MDGA2: variants seen among roughly 807,000 people sequenced by gnomAD.
MDGA2 encodes MAM domain containing glycosylphosphatidylinositol anchor 2.
MDGA2 carries 40 observed loss-of-function variants against 117.8 expected under a neutral mutation model. That is an observed-to-expected ratio of 0.34 (90% CI 0.26 to 0.44). The LOEUF is 0.44. Ranked by LOEUF, MDGA2 falls within the 20% of genes least tolerant of loss-of-function variation. MDGA2 has a pLI of 1.00. For synonymous variants in MDGA2, 452 were observed against 439.0 expected (o/e 1.03, Z -0.37); for missense variants, 1,123 against 1,250.6 (o/e 0.90, Z 1.54).
chr14:47,470,343 C>A (rs1174022459), intron 1 of MDGA2, among the ~76,000 whole-genome samples: 1 of 147,972 alleles, frequency 6.8e-6, no homozygotes, highest in African/African-American at 2.5e-5. Flanking sequence ...TCAACTCTCA[C>A]TTATAGGTGC....
At chr14:47,463,562 C>T (rs900032228) in intron 1 of MDGA2, among the ~76,000 whole-genome samples, 1 of 152,064 alleles carries the variant, frequency 6.6e-6, no homozygotes, top group African/African-American at 2.4e-5. Context: ...TAAGCTCTAC[C>T]TTCACATAGG....
At chr14:47,337,347 T>C (rs12436849) in intron 1 of MDGA2, among the ~76,000 whole-genome samples, 50,086 of 151,936 alleles carry the variant, frequency 0.33, 9,182 homozygotes, top group Admixed American at 0.52. Context: ...ATCAAAAGCC[T>C]AAGATTAAGA....
At chr14:47,033,967 A>T (rs1398639496) in intron 8 of MDGA2, among the ~76,000 whole-genome samples, 3 of 152,236 alleles carry the variant, frequency 2.0e-5, no homozygotes, top group African/African-American at 7.2e-5. Flanking sequence ...CTTGGACTAA[A>T]TTCTATTTTC....
Position 47,674,539 on chromosome 14 carries a change from C to T in MDGA2, c.258G>A (p.Gly86=). The part of the protein sequence containing the change: ...LVWLLTVLLE[G]ISGQGVYAPP... ...CACCGTACACTCCTTGGCCAGAGAT[C>T]CCCTCCAGGAGGACTGTCAGCAGCC... The change falls in exon 1 of 17, where the codon GGG becomes GGA. Residue 86 remains glycine (G), a synonymous_variant. Transcript: ENST00000399232. 6.4e-7 allele frequency: 1 copy of T among 1,551,240 alleles called. No homozygotes were observed.
At chr14:47,301,995 G>A (rs746226231) in intron 1 of MDGA2, among the ~76,000 whole-genome samples, 103 of 152,260 alleles carry the variant, frequency 6.8e-4, no homozygotes, top group Non-Finnish European at 4.7e-4. Context: ...GTCATGTAGC[G>A]CGCAAGTTAA....
intron 9 of MDGA2, among the ~76,000 whole-genome samples, chr14:46,920,954 C>T (rs1356240198): frequency 2.0e-5 from 3 of 152,100 alleles, no homozygotes; most frequent in East Asian, 1.9e-4. Context: ...ATGTGAATTA[C>T]GTATAGTGTA....
chr14:46,864,826 C>A (rs527975666), intron 14 of MDGA2, among the ~76,000 whole-genome samples: 11 of 151,910 alleles, frequency 7.2e-5, no homozygotes, highest in Admixed American at 2.6e-4. Context: ...CACTAAGGAG[C>A]CTTATCTATC....
intron 1 of MDGA2, among the ~76,000 whole-genome samples, chr14:47,552,359 C>A (rs1415184868): frequency 2.0e-5 from 3 of 152,214 alleles, no homozygotes; most frequent in African/African-American, 7.2e-5. Flanking sequence ...CATTTCCAAA[C>A]TAGTATGTCC....
At chr14:46,875,868 TA>T (rs1051570564) in intron 12 of MDGA2, among the ~76,000 whole-genome samples, 9 of 151,652 alleles carry the variant, frequency 5.9e-5, no homozygotes, top group African/African-American at 2.2e-4. Context: ...TCTTACTTTT[TA>T]TATGTTATTT....
chr14:47,281,393 A>G (rs1452319828), intron 2 of MDGA2, among the ~76,000 whole-genome samples: 1 of 152,142 alleles, frequency 6.6e-6, no homozygotes, highest in Non-Finnish European at 1.5e-5. Flanking sequence ...ACATTTCTCT[A>G]TCCAGGTATT....
chr14:47,510,915 G>A (rs1048381873), intron 1 of MDGA2, among the ~76,000 whole-genome samples: 1 of 146,920 alleles, frequency 6.8e-6, no homozygotes, highest in Non-Finnish European at 1.5e-5. Context: ...CAGCTCAAAT[G>A]TTTTTTCTTT....
intron 8 of MDGA2, among the ~76,000 whole-genome samples, chr14:47,024,730 AAG>A (rs1307282975): frequency 2.0e-5 from 3 of 152,186 alleles, no homozygotes; most frequent in Admixed American, 2.0e-4. Flanking sequence ...ATTAAGAAGA[AAG>A]AGTAATTTCC....
At chr14:47,119,283 T>C (rs2139095416) in intron 5 of MDGA2, among the ~76,000 whole-genome samples, 1 of 151,054 alleles carries the variant, frequency 6.6e-6, no homozygotes, top group Admixed American at 6.6e-5. Flanking sequence ...GCCAGGATGG[T>C]CTCAATCTCC....
intron 3 of MDGA2, among the ~76,000 whole-genome samples, chr14:47,174,484 A>G (rs1164326156): frequency 6.6e-6 from 1 of 152,232 alleles, no homozygotes; most frequent in Non-Finnish European, 1.5e-5. Flanking sequence ...AGAACTCAGG[A>G]TTAAGAAACT....
chr14:47,651,382 C>A (rs1308588450), intron 1 of MDGA2, among the ~76,000 whole-genome samples: 4 of 152,106 alleles, frequency 2.6e-5, no homozygotes, highest in Non-Finnish European at 5.9e-5. Flanking sequence ...GAACTTAGCG[C>A]TTCCGTGGGA....
intron 1 of MDGA2, among the ~76,000 whole-genome samples, chr14:47,660,232 T>G (rs1207138682): frequency 6.6e-6 from 1 of 152,216 alleles, no homozygotes; most frequent in Non-Finnish European, 1.5e-5. Context: ...GGGGGATGTT[T>G]ATCAGTTAAA....
At chr14:47,190,969 C>T (rs1300296635) in intron 3 of MDGA2, among the ~76,000 whole-genome samples, 3 of 152,018 alleles carry the variant, frequency 2.0e-5, no homozygotes, top group Non-Finnish European at 4.4e-5. Flanking sequence ...CTCACTTTTT[C>T]GGGAGACATT....
chr14:47,568,398 T>C (rs1895958062), intron 1 of MDGA2, among the ~76,000 whole-genome samples: 1 of 152,194 alleles, frequency 6.6e-6, no homozygotes, highest in African/African-American at 2.4e-5. Context: ...AACTAAATAC[T>C]GAATATGACT....
chr14:46,923,778 T>C (rs1230924124), intron 9 of MDGA2, among the ~76,000 whole-genome samples: 1 of 152,080 alleles, frequency 6.6e-6, no homozygotes, highest in Non-Finnish European at 1.5e-5. Context: ...GAGCCAATTA[T>C]ACTTTATGCT....
Sources: allele counts gnomAD v4.1 joint callset (sites outside exome capture counted in the v4.1 genomes callset), GRCh38; gene constraint gnomAD v4.1.1; transcripts MANE v1.5; gene names NCBI Gene and HGNC (gene_info 2026-07-23, HGNC 2026-07-21).